COL25A1: variants seen among roughly 807,000 people sequenced by gnomAD.
COL25A1 encodes collagen type XXV alpha 1 chain.
COL25A1 carries 103 observed loss-of-function variants against 128.4 expected under a neutral mutation model. That is an observed-to-expected ratio of 0.80 (90% CI 0.68 to 0.94). The LOEUF (loss-of-function observed/expected upper bound fraction) is 0.94. Among genes scored for constraint, COL25A1 ranks in the 40% least tolerant of loss-of-function variants. The pLI is 0.00. For synonymous variants in COL25A1, 279 were observed against 277.2 expected, an observed-to-expected ratio of 1.01 and a Z score of -0.06; for missense variants, 745 against 840.0, an observed-to-expected ratio of 0.89 and a Z score of 1.40.
At chr4:108,917,535 T>C (rs1290989023) in intron 13 of COL25A1, among the ~76,000 whole-genome samples, 3 of 152,180 alleles carry the variant, frequency 2.0e-5, no homozygotes, top group African/African-American at 7.2e-5. Flanking sequence ...TCAGGGATGT[T>C]GAGGAGCTAT....
At chr4:109,160,855 T>C (rs1224945688) in intron 3 of COL25A1, among the ~76,000 whole-genome samples, 1 of 152,188 alleles carries the variant, frequency 6.6e-6, no homozygotes, top group East Asian at 1.9e-4. Context: ...AAAATCCCTT[T>C]ACCAACCTAC....
intron 5 of COL25A1, among the ~76,000 whole-genome samples, chr4:109,027,653 A>C (rs988791312): frequency 1.3e-5 from 2 of 152,004 alleles, no homozygotes; most frequent in African/African-American, 4.8e-5. Flanking sequence ...TGAAAGATAA[A>C]GGATGGGATG....
At chr4:109,032,615 TG>T (rs1302908785) in intron 5 of COL25A1, among the ~76,000 whole-genome samples, 1 of 152,240 alleles carries the variant, frequency 6.6e-6, no homozygotes, top group Non-Finnish European at 1.5e-5. Context: ...GATAACATTA[TG>T]CAATTAGCGA....
chr4:108,967,687 T>A (rs563444841), intron 8 of COL25A1, among the ~76,000 whole-genome samples: 7 of 152,292 alleles, frequency 4.6e-5, no homozygotes, highest in Admixed American at 1.3e-4. Flanking sequence ...TGCACTATAG[T>A]AAGGCTTAGA....
At chr4:108,960,147 C>A (rs1227157006) in intron 8 of COL25A1, among the ~76,000 whole-genome samples, 6 of 151,824 alleles carry the variant, frequency 4.0e-5, no homozygotes, top group Admixed American at 6.6e-5. Context: ...TTTATCTATG[C>A]CAGAAAATGA....
intron 8 of COL25A1, among the ~76,000 whole-genome samples, chr4:108,953,527 T>C (rs542650424): frequency 1.3e-5 from 2 of 152,040 alleles, no homozygotes; most frequent in Non-Finnish European, 2.9e-5. Flanking sequence ...GCAGACAATA[T>C]AAATAAAGAA....
chr4:109,114,525 G>C (rs1211042887), intron 3 of COL25A1, among the ~76,000 whole-genome samples: 1 of 152,030 alleles, frequency 6.6e-6, no homozygotes, highest in Non-Finnish European at 1.5e-5. Flanking sequence ...ATGGAGTTGA[G>C]AGGTGGAATG....
intron 3 of COL25A1, among the ~76,000 whole-genome samples, chr4:109,231,720 A>T (rs1157740825): frequency 6.6e-6 from 1 of 152,196 alleles, no homozygotes; most frequent in Non-Finnish European, 1.5e-5. Flanking sequence ...ATGTTTCTTT[A>T]TTGCTGAGAG....
At chr4:108,829,568 G>A (rs1732837162) in intron 32 of COL25A1, among the ~76,000 whole-genome samples, 1 of 152,244 alleles carries the variant, frequency 6.6e-6, no homozygotes, top group South Asian at 2.1e-4. Flanking sequence ...ACAGATTAGG[G>A]TGGGTCTAAT....
intron 8 of COL25A1, among the ~76,000 whole-genome samples, chr4:108,943,413 A>G (rs781531398): frequency 6.6e-5 from 10 of 152,146 alleles, no homozygotes; most frequent in Non-Finnish European, 1.5e-4. Flanking sequence ...CTCACAAAAT[A>G]TAGTCTTGCC....
chr4:109,114,661 T>C, intron 3 of COL25A1, among the ~76,000 whole-genome samples: 1 of 152,042 alleles, frequency 6.6e-6, no homozygotes, highest in Admixed American at 6.6e-5. Flanking sequence ...ACCAAGAATA[T>C]CAACGTGACA....
At chr4:109,099,584 G>C (rs1047985163) in intron 3 of COL25A1, among the ~76,000 whole-genome samples, 15 of 150,952 alleles carry the variant, frequency 9.9e-5, no homozygotes, top group African/African-American at 3.7e-4. Context: ...ATAAAACAAG[G>C]TGGGAAGTCT....
intron 32 of COL25A1, among the ~76,000 whole-genome samples, chr4:108,829,427 CT>C (rs370803290): frequency 2.8e-5 from 4 of 144,454 alleles, no homozygotes; most frequent in East Asian, 2.1e-4. Context: ...ATCTATCTAT[CT>C]ATCTATCATC....
At chr4:109,050,114 G>A in intron 4 of COL25A1, 21 bp downstream of exon 4, 1 of 1,603,280 alleles carries the variant, frequency 6.2e-7, no homozygotes, top group Non-Finnish European at 8.5e-7. Context: ...GTGACACAGA[G>A]CAGCTGAAAG....
chr4:109,106,718 A>C (rs1020270437), intron 3 of COL25A1, among the ~76,000 whole-genome samples: 1 of 135,734 alleles, frequency 7.4e-6, no homozygotes, highest in Non-Finnish European at 1.5e-5. Flanking sequence ...CCCACCAATC[A>C]CTTTGGGACT....
At chr4:108,949,650 C>T (rs1749170905) in intron 8 of COL25A1, among the ~76,000 whole-genome samples, 1 of 152,066 alleles carries the variant, frequency 6.6e-6, no homozygotes, top group Non-Finnish European at 1.5e-5. Context: ...TCTCCTGCCT[C>T]AGCCCCTCAA....
intron 5 of COL25A1, among the ~76,000 whole-genome samples, chr4:109,013,677 C>T (rs149713386): frequency 5.9e-5 from 9 of 152,172 alleles, no homozygotes; most frequent in South Asian, 2.1e-4. Context: ...CAACTCCAGA[C>T]GCGCCACCTT....
chr4:108,813,619 C>A lies in COL25A1; in HGVS notation c.*308G>T. Reference sequence around the variant, plus strand: ...CTTTTTGTCCATGCAATTAGCAAGCCAAAAGAAGGAAAATAGCTAGTACAA... The same window carrying A: ...CTTTTTGTCCATGCAATTAGCAAGCAAAAAGAAGGAAAATAGCTAGTACAA... On this transcript the variant is annotated 3_prime_UTR_variant, in exon 38 of 38. Coordinates refer to ENST00000399132, the MANE Select transcript of COL25A1 (RefSeq NM_198721.4). The A allele has an allele frequency of 3.5e-6, 1 of 284,542 alleles. No homozygotes were observed. Among genetic ancestry groups the A allele is most frequent in the South Asian group, 9.6e-5 (1 of 10,434 alleles). The allele number at this position is 284,542 out of a possible 1,614,324, so 17.6% of individuals were successfully genotyped here.
At chr4:109,248,858 A>C (rs1178500745) in intron 3 of COL25A1, among the ~76,000 whole-genome samples, 3 of 152,148 alleles carry the variant, frequency 2.0e-5, no homozygotes, top group Admixed American at 6.5e-5. Context: ...TGATAAGAAG[A>C]AGCACTACTC....
Sources: gnomAD v4.1 joint callset for allele counts (sites outside exome capture counted in the v4.1 genomes callset) on GRCh38, gnomAD v4.1.1 for gene constraint, MANE v1.5 for transcripts, NCBI Gene and HGNC (gene_info 2026-07-23, HGNC 2026-07-21) for gene names.